The following GRM7 variants were observed in gnomAD, a reference collection of about 807,000 sequenced individuals.
GRM7 encodes the protein metabotropic glutamate receptor 7.
A neutral mutation model predicts 84.5 loss-of-function variants in GRM7; 35 were observed. The ratio of observed to expected loss-of-function variants is 0.41; its 90% CI spans 0.32 to 0.55. GRM7 has a LOEUF of 0.55. Ranked by LOEUF, GRM7 falls within the 20% of genes least tolerant of loss-of-function variation. GRM7 has a pLI of 0.19. For synonymous variants in GRM7, 487 were observed against 455.1 expected, an observed-to-expected ratio of 1.07 and a Z score of -0.89; for missense variants, 1,003 against 1,194.6, an observed-to-expected ratio of 0.84 and a Z score of 2.36.
chr3:7,630,932 AATG>A (rs1485367834), intron 8 of GRM7, among the ~76,000 whole-genome samples: 1 of 152,238 alleles, frequency 6.6e-6, no homozygotes, highest in Non-Finnish European at 1.5e-5. Context: ...GAATTTTTTC[AATG>A]ATGATGTGAT....
chr3:7,057,731 C>G (rs114893444), intron 1 of GRM7, among the ~76,000 whole-genome samples: 3 of 151,824 alleles, frequency 2.0e-5, no homozygotes, highest in African/African-American at 7.3e-5. Flanking sequence ...AATGGAGGCT[C>G]AATGTTTTAG....
intron 5 of GRM7, among the ~76,000 whole-genome samples, chr3:7,450,757 G>T (rs1265286772): frequency 6.6e-6 from 1 of 151,798 alleles, no homozygotes; most frequent in Non-Finnish European, 1.5e-5. Flanking sequence ...AAAAACCCTA[G>T]ATCCCGTGAC....
chr3:7,213,437 T>G (rs1696496579), intron 2 of GRM7, among the ~76,000 whole-genome samples: 1 of 152,200 alleles, frequency 6.6e-6, no homozygotes. Context: ...CTCTTAATGT[T>G]ACAGACTGAA....
intron 5 of GRM7, among the ~76,000 whole-genome samples, chr3:7,429,491 C>T (rs1374625846): frequency 6.6e-6 from 1 of 152,092 alleles, no homozygotes; most frequent in Non-Finnish European, 1.5e-5. Flanking sequence ...GAATATTTTT[C>T]CATATGTTTG....
chr3:7,085,721 G>C (rs192247809), intron 1 of GRM7, among the ~76,000 whole-genome samples: 9 of 152,224 alleles, frequency 5.9e-5, no homozygotes, highest in Admixed American at 5.2e-4. Context: ...GAGGGCTTCA[G>C]TGGCTCTTTT....
At chr3:7,522,998 AAAG>A (rs1700657050) in intron 7 of GRM7, among the ~76,000 whole-genome samples, 1 of 152,134 alleles carries the variant, frequency 6.6e-6, no homozygotes, top group Non-Finnish European at 1.5e-5. Flanking sequence ...CTCAAGAAAG[AAAG>A]AAGACTCCTG....
At chr3:7,641,191 T>C (rs1460665398) in intron 8 of GRM7, among the ~76,000 whole-genome samples, 3 of 152,172 alleles carry the variant, frequency 2.0e-5, no homozygotes, top group Non-Finnish European at 4.4e-5. Context: ...TCCAGAAACC[T>C]CTAGAACTTT....
chr3:6,986,030 T>C (rs1296399487), intron 1 of GRM7, among the ~76,000 whole-genome samples: 1 of 152,176 alleles, frequency 6.6e-6, no homozygotes, highest in East Asian at 1.9e-4. Context: ...CTAGTGATGA[T>C]GAGAGCCTTT....
At chr3:6,987,166 G>A (rs779237224) in intron 1 of GRM7, among the ~76,000 whole-genome samples, 9 of 151,978 alleles carry the variant, frequency 5.9e-5, no homozygotes, top group Non-Finnish European at 1.0e-4. Context: ...CTTCTGTGGT[G>A]CTTTATTGAC....
At chr3:7,017,617 T>G (rs1230203951) in intron 1 of GRM7, among the ~76,000 whole-genome samples, 1 of 152,208 alleles carries the variant, frequency 6.6e-6, no homozygotes, top group Non-Finnish European at 1.5e-5. Flanking sequence ...CTGGTGATTC[T>G]CCACCTGCTG....
chr3:6,965,559 T>G (rs1693482673), intron 1 of GRM7, among the ~76,000 whole-genome samples: 1 of 152,014 alleles, frequency 6.6e-6, no homozygotes, highest in Admixed American at 6.6e-5. Context: ...GGTCTTGCAT[T>G]TCTGGACTCA....
At chr3:7,162,531 G>C (rs943905939) in intron 2 of GRM7, among the ~76,000 whole-genome samples, 2 of 151,858 alleles carry the variant, frequency 1.3e-5, no homozygotes, top group African/African-American at 4.8e-5. Context: ...GAAATGTTAA[G>C]GCCAAAAACC....
chr3:7,246,387 A>C (rs1437166983), intron 2 of GRM7, among the ~76,000 whole-genome samples: 4 of 152,106 alleles, frequency 2.6e-5, no homozygotes, highest in Non-Finnish European at 5.9e-5. Context: ...GAGCCCTGGA[A>C]ACTTTGTCTG....
intron 8 of GRM7, among the ~76,000 whole-genome samples, chr3:7,653,391 G>A (rs1261119948): frequency 6.6e-6 from 1 of 151,920 alleles, no homozygotes; most frequent in Non-Finnish European, 1.5e-5. Flanking sequence ...GTGGTCCAGG[G>A]TCAGATACTT....
chr3:7,606,147 C>A (rs1442196351), intron 8 of GRM7, among the ~76,000 whole-genome samples: 4 of 152,132 alleles, frequency 2.6e-5, no homozygotes, highest in Non-Finnish European at 2.9e-5. Context: ...AATTAATATT[C>A]TTCAATGCAA....
chr3:7,427,968 C>T (rs1696680110), intron 5 of GRM7, among the ~76,000 whole-genome samples: 1 of 152,010 alleles, frequency 6.6e-6, no homozygotes. Flanking sequence ...TTCTTTTGTT[C>T]CAAACTGTCC....
chr3:7,399,048 A>T (rs532559192), intron 4 of GRM7, among the ~76,000 whole-genome samples: 1 of 151,908 alleles, frequency 6.6e-6, no homozygotes, highest in Non-Finnish European at 1.5e-5. Context: ...AATTCCCAGC[A>T]TCATAGGCAT....
At chr3:7,542,839 C>T (rs1243994480) in intron 7 of GRM7, among the ~76,000 whole-genome samples, 1 of 152,174 alleles carries the variant, frequency 6.6e-6, no homozygotes, top group African/African-American at 2.4e-5. Flanking sequence ...AGCCACTGCA[C>T]CCAGCCCATG....
At chr3:7,149,100 A>G (rs1694198715) in intron 2 of GRM7, among the ~76,000 whole-genome samples, 1 of 152,302 alleles carries the variant, frequency 6.6e-6, no homozygotes, top group Admixed American at 6.5e-5. Flanking sequence ...TATTTATAAC[A>G]AAATGCATTG....
Sources: gnomAD v4.1 joint callset for allele counts (sites outside exome capture counted in the v4.1 genomes callset) on GRCh38, gnomAD v4.1.1 for gene constraint, MANE v1.5 for transcripts, NCBI Gene and HGNC (gene_info 2026-07-23, HGNC 2026-07-21) for gene names.